Variants in MYO18B observed in about 807,000 individuals in gnomAD.
MYO18B encodes the protein myosin XVIIIB, also known as unconventional myosin-XVIIIb.
Under a neutral mutation model 273.0 loss-of-function variants are expected in MYO18B, and 204 were observed. The ratio of observed to expected loss-of-function variants is 0.75; its 90% CI spans 0.67 to 0.84. The LOEUF (loss-of-function observed/expected upper bound fraction) is 0.84, where lower values mean the gene tolerates loss of function less well. MYO18B is among the 40% of genes least tolerant of loss of function. MYO18B has a pLI of 0.00. For missense variants in MYO18B, 3,212 were observed against 3,287.6 expected, an observed-to-expected ratio of 0.98 and a Z score of 0.56; for synonymous variants, 1,330 against 1,305.7, an observed-to-expected ratio of 1.02 and a Z score of -0.40.
At chr22:26,006,035 A>C (rs1316010751) in intron 42 of MYO18B, among the ~76,000 whole-genome samples, 1 of 152,226 alleles carries the variant, frequency 6.6e-6, no homozygotes, top group Non-Finnish European at 1.5e-5. Context: ...GTGAACTCCA[A>C]ACTATGAGGA....
chr22:25,969,578 A>G (rs1377661824), intron 39 of MYO18B, among the ~76,000 whole-genome samples: 1 of 152,238 alleles, frequency 6.6e-6, no homozygotes, highest in Non-Finnish European at 1.5e-5. Flanking sequence ...TACAAAGTCC[A>G]AGATATATAC....
At chr22:25,954,832 C>T (rs907547593) in intron 38 of MYO18B, among the ~76,000 whole-genome samples, 2 of 152,140 alleles carry the variant, frequency 1.3e-5, no homozygotes, top group African/African-American at 4.8e-5. Flanking sequence ...ATGCCTCAGC[C>T]TCCCAAGTAG....
In MYO18B at chr22:25,787,272, GCACACA is replaced by G. The variant is rs10598069; in HGVS notation, c.2376+1814_2376+1819del. 4.9e-3 allele frequency among the ~76,000 whole-genome samples: 673 copies of G among 136,706 alleles called. 8 individuals carry two copies. The highest frequency in any genetic ancestry group is 0.039 in the East Asian group (131 of 3,330). The allele number at this position is 136,706 out of a possible 152,430, so 89.7% of individuals were successfully genotyped here. ...TAAGCCTGTGTGCGTGCAGGCGCGC[GCACACA>G]CACACACACACACACACACACACAC... On this transcript the variant is annotated intron_variant, in intron 11 of 43. Coordinates refer to ENST00000335473, the MANE Select transcript of MYO18B (RefSeq NM_032608.7).
intron 42 of MYO18B, among the ~76,000 whole-genome samples, chr22:26,007,008 A>G (rs1934489471): frequency 6.6e-6 from 1 of 152,140 alleles, no homozygotes; most frequent in Non-Finnish European, 1.5e-5. Flanking sequence ...GGTCTTCAGC[A>G]TCTCCCAGAG....
chr22:25,752,033 G>A (rs1475221486), intron 1 of MYO18B, among the ~76,000 whole-genome samples: 2 of 152,194 alleles, frequency 1.3e-5, no homozygotes, highest in African/African-American at 4.8e-5. Context: ...TGATAAACAT[G>A]CTTTCCCATT....
chr22:25,975,180 G>A (rs1421228149), intron 39 of MYO18B, among the ~76,000 whole-genome samples: 1 of 152,174 alleles, frequency 6.6e-6, no homozygotes, highest in African/African-American at 2.4e-5. Context: ...TGCACAACCT[G>A]GCCATAACCT....
At chr22:26,010,540 A>T (rs1397033493) in intron 42 of MYO18B, among the ~76,000 whole-genome samples, 1 of 152,210 alleles carries the variant, frequency 6.6e-6, no homozygotes, top group African/African-American at 2.4e-5. Context: ...CCACCGTTAA[A>T]TAGACTTTAA....
intron 31 of MYO18B, among the ~76,000 whole-genome samples, chr22:25,906,834 A>G (rs1276676737): frequency 6.6e-6 from 1 of 152,136 alleles, no homozygotes; most frequent in African/African-American, 2.4e-5. Context: ...ATCATATCTT[A>G]AGAAAACTCA....
At chr22:25,857,103 A>C (rs35642234) in intron 21 of MYO18B, among the ~76,000 whole-genome samples, 1 of 151,890 alleles carries the variant, frequency 6.6e-6, no homozygotes, top group Non-Finnish European at 1.5e-5. Flanking sequence ...CTCCCAGGCT[A>C]CCTCCTCTGG....
intron 32 of MYO18B, among the ~76,000 whole-genome samples, chr22:25,909,225 C>T (rs1355478063): frequency 1.3e-5 from 2 of 152,182 alleles, no homozygotes; most frequent in Non-Finnish European, 2.9e-5. Context: ...TGGAAAGCTT[C>T]GGGTTAAGCC....
rs2146919800 is a variant in MYO18B at position 26,004,821 on chromosome 22, C to T, written c.6436C>T (p.Gln2146Ter). The T allele has an allele frequency of 1.9e-6, 3 of 1,613,854 alleles. No individual in the cohort carries two copies. The highest frequency in any genetic ancestry group is 2.5e-6 in the Non-Finnish European group (3 of 1,179,774). ...AGATACTATGAGGACTCCTTCTCGA[C>T]AGTCAGCCACCAGCAGCCGCATCCT... is the stretch of plus-strand genomic sequence containing the variant. ...ATDTMRTPSR[Q>*]SATSSRILSP... The change falls in exon 42 of 44, where the codon CAG becomes TAG. Residue 2146 changes from glutamine to a stop codon, truncating the protein, a stop_gained. Coordinates refer to ENST00000335473, the MANE Select transcript of MYO18B (RefSeq NM_032608.7). LOFTEE classifies it high-confidence loss of function.
At chr22:25,762,920 T>C (rs2086373353) in intron 2 of MYO18B, 2 of 516,538 alleles carry the variant, frequency 3.9e-6, no homozygotes, top group Non-Finnish European at 7.6e-6. Context: ...GCATGTCCCA[T>C]GGCAAGGAAG....
intron 15 of MYO18B, among the ~76,000 whole-genome samples, chr22:25,829,323 A>G (rs2089617091): frequency 6.6e-6 from 1 of 152,122 alleles, no homozygotes; most frequent in Non-Finnish European, 1.5e-5. Context: ...CAGGGGGGGA[A>G]TGCCCTTTGA....
At chr22:26,017,976 T>G (rs1049157546) in intron 42 of MYO18B, among the ~76,000 whole-genome samples, 6 of 145,762 alleles carry the variant, frequency 4.1e-5, no homozygotes, top group South Asian at 2.2e-4. Context: ...TGTTTTTTTT[T>G]TTTTTTTTTT....
In MYO18B at chr22:25,890,756, A is replaced by G; in HGVS notation, c.4315A>G (p.Ile1439Val). The change falls in exon 26 of 44, where the codon ATT becomes GTT. Residue 1439 changes from isoleucine to valine, a missense_variant and splice_region_variant. Ile to Val is a conservative substitution (Grantham distance 29). Coordinates refer to ENST00000335473, the MANE Select transcript of MYO18B (RefSeq NM_032608.7). Reference sequence around the variant, plus strand: ...TTGATCACCCCATTCCCCATCTCAGATTGCTGACTTGACCTCTGACCTTGC... The same window carrying G: ...TTGATCACCCCATTCCCCATCTCAGGTTGCTGACTTGACCTCTGACCTTGC... ...RQNTDLLESKIADLTSDLADE... is the reference protein window; with the variant it reads ...RQNTDLLESKVADLTSDLADE... 6.2e-7 allele frequency: 1 copy of G among 1,613,814 alleles called. No homozygotes were observed. The highest frequency in any genetic ancestry group is 8.5e-7 in the Non-Finnish European group (1 of 1,179,842).
chr22:26,041,084 G>A, the MYO18B span, among the ~76,000 whole-genome samples: 1 of 152,172 alleles, frequency 6.6e-6, no homozygotes, highest in African/African-American at 2.4e-5. Context: ...TGTGACCCAG[G>A]ACAGCTCTGA....
chr22:25,977,345 C>T (rs1486596098), intron 39 of MYO18B, among the ~76,000 whole-genome samples: 1 of 123,802 alleles, frequency 8.1e-6, no homozygotes, highest in African/African-American at 3.2e-5. Flanking sequence ...GTATTTGTAT[C>T]TGGGTTGCTG....
chr22:25,865,413 G>A (rs781019389), intron 21 of MYO18B, among the ~76,000 whole-genome samples: 7 of 152,218 alleles, frequency 4.6e-5, no homozygotes, highest in Non-Finnish European at 1.0e-4. Context: ...TTGAGCATGT[G>A]CTTTGGCAGG....
At chr22:25,950,258 A>G (rs2092774684) in intron 36 of MYO18B, 109 bp from the exon 37 acceptor site, 1 of 824,936 alleles carries the variant, frequency 1.2e-6, no homozygotes, top group African/African-American at 1.7e-5. Flanking sequence ...AAGCTCTGAG[A>G]GATGTAGACA....
Sources: gnomAD v4.1 joint callset for allele counts (sites outside exome capture counted in the v4.1 genomes callset) on GRCh38, gnomAD v4.1.1 for gene constraint, MANE v1.5 for transcripts, NCBI Gene and HGNC (gene_info 2026-07-23, HGNC 2026-07-21) for gene names.